The following TENM2 variants were observed in gnomAD, a reference collection of about 807,000 sequenced individuals.
TENM2 encodes teneurin-2.
In TENM2, 52 loss-of-function variants were observed where a neutral mutation model predicts 245.2. That is an observed-to-expected ratio of 0.21 (90% CI 0.17 to 0.27). The LOEUF is 0.27. Among genes scored for constraint, TENM2 ranks in the 10% least tolerant of loss-of-function variants. The pLI, the probability that TENM2 is intolerant of heterozygous loss-of-function variation, is 1.00. For missense variants in TENM2, 3,046 were observed against 3,666.8 expected, an observed-to-expected ratio of 0.83 and a Z score of 4.37; for synonymous variants, 1,363 against 1,438.9, an observed-to-expected ratio of 0.95 and a Z score of 1.19.
At chr5:167,088,860 G>A in the TENM2 span, among the ~76,000 whole-genome samples, 4 of 152,144 alleles carry the variant, frequency 2.6e-5, no homozygotes, top group Non-Finnish European at 2.9e-5. Flanking sequence ...CGATAAAAGT[G>A]AGACTTGGAA....
At chr5:167,057,291 A>T in the TENM2 span, among the ~76,000 whole-genome samples, 2 of 152,110 alleles carry the variant, frequency 1.3e-5, no homozygotes, top group African/African-American at 4.8e-5. Context: ...CATTTAAAAA[A>T]CTTTTTGGTC....
At chr5:167,229,872 T>G in the TENM2 span, among the ~76,000 whole-genome samples, 1 of 152,180 alleles carries the variant, frequency 6.6e-6, no homozygotes. Context: ...CAGGATTGGT[T>G]TCCCTGGGAA....
At chr5:168,238,934 G>A (rs1054353683) in intron 25 of TENM2, among the ~76,000 whole-genome samples, 1 of 152,140 alleles carries the variant, frequency 6.6e-6, no homozygotes, top group African/African-American at 2.4e-5. Context: ...CTCTATCACT[G>A]AATTCCTACC....
chr5:167,970,588 C>T (rs1422930), intron 4 of TENM2, among the ~76,000 whole-genome samples: 51,598 of 152,022 alleles, frequency 0.34, 10,659 homozygotes, highest in East Asian at 0.67. Flanking sequence ...AAACATTTAA[C>T]TCCATGCTTC....
chr5:168,233,997 A>C (rs1469436862), intron 25 of TENM2, among the ~76,000 whole-genome samples: 1 of 152,206 alleles, frequency 6.6e-6, no homozygotes, highest in East Asian at 1.9e-4. Flanking sequence ...GATACAATTC[A>C]AATCAAGATT....
At chr5:168,122,579 T>G (rs1251901296) in intron 10 of TENM2, among the ~76,000 whole-genome samples, 1 of 152,204 alleles carries the variant, frequency 6.6e-6, no homozygotes, top group Non-Finnish European at 1.5e-5. Flanking sequence ...AATGGGCTTA[T>G]GTCATCAGGA....
intron 5 of TENM2, among the ~76,000 whole-genome samples, chr5:168,018,757 A>G (rs1785886183): frequency 2.0e-5 from 3 of 152,148 alleles, no homozygotes; most frequent in East Asian, 1.9e-4. Context: ...CCTCCTAAGG[A>G]CAGACTTTGT....
chr5:167,723,100 T>TA (rs1343875904), intron 2 of TENM2, among the ~76,000 whole-genome samples: 1 of 151,870 alleles, frequency 6.6e-6, no homozygotes, highest in Non-Finnish European at 1.5e-5. Flanking sequence ...GGCATGCTTT[T>TA]AAAAAAATTA....
At position 167,975,072 on chromosome 5, in the gene TENM2, T is replaced by C. The variant is rs1408516288; in HGVS notation, c.948-17872T>C. ...TTAATTCTGCCACTTGCAAAGCAAA[T>C]GCCTGAAGGCGGGCACCTGCCTTTT... On this transcript the variant is annotated intron_variant, in intron 4 of 28. Transcript: ENST00000518659. 2.6e-5 allele frequency among the ~76,000 whole-genome samples: 4 copies of C among 152,244 alleles called. No individual in the cohort carries two copies. In the East Asian group the frequency reaches 5.8e-4, roughly 22 times the overall value.
At chr5:167,687,400 A>G (rs1757144037) in intron 2 of TENM2, among the ~76,000 whole-genome samples, 1 of 152,208 alleles carries the variant, frequency 6.6e-6, no homozygotes, top group African/African-American at 2.4e-5. Context: ...CTGAATTTTC[A>G]TCATCAAGTA....
exon 29 of TENM2, chr5:168,262,761 G>A (rs1768330974): frequency 6.2e-7 from 1 of 1,610,102 alleles, no homozygotes; most frequent in African/African-American, 1.3e-5. Context: ...CTTGCAGACA[G>A]TAGCAGCAAC....
At chr5:168,231,153 T>C (rs1456657842) in intron 25 of TENM2, 1 of 152,240 alleles carries the variant, frequency 6.6e-6, no homozygotes, top group African/African-American at 2.4e-5. Flanking sequence ...GTGAGAACAC[T>C]ATCAGGGAAC....
intron 1 of TENM2, among the ~76,000 whole-genome samples, chr5:167,334,984 A>C (rs1757671848): frequency 6.6e-6 from 1 of 152,248 alleles, no homozygotes. Context: ...TATCATAAAT[A>C]GGGCTTGACT....
the TENM2 span, among the ~76,000 whole-genome samples, chr5:167,052,704 G>T: frequency 6.6e-6 from 1 of 151,620 alleles, no homozygotes; most frequent in Admixed American, 6.6e-5. Flanking sequence ...CAGTGATGTT[G>T]ATGTTAATAT....
At chr5:168,126,431 T>G (rs1054086664) in intron 11 of TENM2, among the ~76,000 whole-genome samples, 1 of 152,166 alleles carries the variant, frequency 6.6e-6, no homozygotes, top group African/African-American at 2.4e-5. Flanking sequence ...CTGGAGGACT[T>G]GTTCCAACAA....
Position 167,984,805 on chromosome 5 carries a change from A to G in TENM2, c.948-8139A>G, listed in dbSNP as rs1349497059. On this transcript the variant is annotated intron_variant, in intron 4 of 28. Coordinates refer to ENST00000518659, the Ensembl canonical transcript of TENM2. Reference sequence around the variant, plus strand: ...TGCAGTATCCATCATTTTTCTCGTTATCTCTTTTTTCACCTCATCCTCTAT... The same window carrying G: ...TGCAGTATCCATCATTTTTCTCGTTGTCTCTTTTTTCACCTCATCCTCTAT... Among the ~76,000 whole-genome samples, 4 of 151,934 alleles carry G rather than the reference A, an allele frequency of 2.6e-5. No individual in the cohort carries two copies. The East Asian group carries it at 7.7e-4, about 29-fold the overall frequency.
chr5:167,820,651 T>C (rs1338656809), intron 2 of TENM2, among the ~76,000 whole-genome samples: 1 of 152,210 alleles, frequency 6.6e-6, no homozygotes, highest in East Asian at 1.9e-4. Context: ...GAATAGGATA[T>C]CTCCGTCAAG....
At chr5:167,348,771 T>C (rs1187522477) in intron 1 of TENM2, among the ~76,000 whole-genome samples, 1 of 152,152 alleles carries the variant, frequency 6.6e-6, no homozygotes, top group Admixed American at 6.5e-5. Flanking sequence ...GCCACTAAAA[T>C]TGGCAATGGA....
At chr5:167,179,295 G>T in the TENM2 span, among the ~76,000 whole-genome samples, 1 of 152,130 alleles carries the variant, frequency 6.6e-6, no homozygotes, top group Non-Finnish European at 1.5e-5. Flanking sequence ...TGGCCGTGAG[G>T]TACCTTTTAA....
Sources: gnomAD v4.1 joint callset for allele counts (sites outside exome capture counted in the v4.1 genomes callset) on GRCh38, gnomAD v4.1.1 for gene constraint, MANE v1.5 for transcripts, NCBI Gene and HGNC (gene_info 2026-07-23, HGNC 2026-07-21) for gene names.